The following PDE4C variants were observed in gnomAD, a reference collection of about 807,000 sequenced individuals.
PDE4C encodes the protein phosphodiesterase 4C.
A neutral mutation model predicts 63.9 loss-of-function variants in PDE4C; 50 were observed. That is an observed-to-expected ratio of 0.78 (90% confidence interval 0.62 to 0.99). The LOEUF (loss-of-function observed/expected upper bound fraction) is 0.99, where lower values mean the gene tolerates loss of function less well. Ranked by LOEUF, PDE4C falls within the 50% of genes least tolerant of loss-of-function variation. The probability of loss-of-function intolerance (pLI) is 0.00; values close to 1 mark genes in which losing one functional copy is unlikely to be tolerated. For synonymous variants in PDE4C, 377 were observed against 385.1 expected, an observed-to-expected ratio of 0.98 and a Z score of 0.25; for missense variants, 777 against 899.1, an observed-to-expected ratio of 0.86 and a Z score of 1.74.
At chr19:18,215,867 T>C (rs142215749) in intron 12 of PDE4C, among the ~76,000 whole-genome samples, 1,804 of 148,010 alleles carry the variant, frequency 0.012, 35 homozygotes, top group Admixed American at 0.052. Context: ...TCTCACTCTG[T>C]TGCTGAGGCT....
downstream of PDE4C, chr19:18,208,731 GACA>G (rs1193837712): frequency 2.0e-5 from 3 of 152,150 alleles, no homozygotes; most frequent in Non-Finnish European, 4.4e-5. Context: ...GGAGGTCACA[GACA>G]ACAACCCCCC....
At chr19:18,211,207 G>C (rs555617927) in exon 15 of PDE4C, 27 of 1,613,404 alleles carry the variant, frequency 1.7e-5, no homozygotes, top group Non-Finnish European at 2.3e-5. Flanking sequence ...AGCAGGTCCT[G>C]TGCATCTGGG....
At chr19:18,216,883 G>A (rs941118492) in exon 12 of PDE4C, 13 of 1,612,354 alleles carry the variant, frequency 8.1e-6, no homozygotes, top group East Asian at 2.2e-5. Flanking sequence ...GTACATAAGC[G>A]CCAGCTCTGA....
chr19:18,236,159 G>A (rs948712454), upstream of PDE4C, among the ~76,000 whole-genome samples: 16 of 151,942 alleles, frequency 1.1e-4, no homozygotes, highest in East Asian at 1.9e-4. Context: ...TAGCCAGGAT[G>A]GTCTCGATCT....
chr19:18,212,851 C>G (rs188901014), intron 13 of PDE4C, among the ~76,000 whole-genome samples: 4,587 of 150,842 alleles, frequency 0.03, 176 homozygotes, highest in African/African-American at 0.08. Context: ...CCACACCCAG[C>G]TAATTTTTGT....
chr19:18,244,302 T>G (rs1374409279), intron 1 of PDE4C, among the ~76,000 whole-genome samples: 7 of 140,634 alleles, frequency 5.0e-5, no homozygotes, highest in African/African-American at 1.3e-4. Context: ...TTTTGTTTTG[T>G]TTTTTTTTTT....
intron 1 of PDE4C, 43 bp downstream of exon 1, chr19:18,226,227 C>T (rs370277022): frequency 6.0e-6 from 9 of 1,490,798 alleles, no homozygotes; most frequent in Non-Finnish European, 8.2e-6. Flanking sequence ...ACCTCCACAC[C>T]GGGCGTCCCG....
chr19:18,219,151 G>A (rs1008556357), intron 8 of PDE4C, 83 bp downstream of exon 8: 5 of 1,585,560 alleles, frequency 3.2e-6, no homozygotes, highest in East Asian at 2.2e-5. Context: ...CCAGTATATA[G>A]GTGGGCAAAC....
rs1410070221 is a variant in PDE4C, at chr19:18,220,813, C to T, written c.499+61G>A. ...TAAGGGGCTCATGGACTGGGGAGGT[C>T]ACTATGGAAAGGAAGCTCCCAGCTG... On this transcript the variant is annotated intron_variant, in intron 5 of 14. Transcript: ENST00000262805. The surrounding 1 kb of genome is among the most constrained non-coding windows in gnomAD (Gnocchi z 5.1). The T allele has an allele frequency of 6.6e-7, 1 of 1,509,338 alleles. No individual in the cohort carries two copies. The highest frequency in any genetic ancestry group is 1.2e-5 in the South Asian group (1 of 85,044). The allele number at this position is 1,509,338 out of a possible 1,614,324, so 93.5% of individuals were successfully genotyped here.
exon 15 of PDE4C, chr19:18,211,080 T>C (rs1967910506): frequency 6.2e-7 from 1 of 1,614,184 alleles, no homozygotes; most frequent in African/African-American, 1.3e-5. Context: ...CTCTGCCTCC[T>C]CCAGAGTCAG....
intron 11 of PDE4C, among the ~76,000 whole-genome samples, chr19:18,217,876 G>T (rs1968269750): frequency 6.6e-6 from 1 of 152,134 alleles, no homozygotes; most frequent in Non-Finnish European, 1.5e-5. Context: ...CAGCCTGGGT[G>T]ACAGAGCAAG....
chr19:18,221,352 C>G, intron 2 of PDE4C, 55 bp from the exon 3 acceptor site: 1 of 1,517,478 alleles, frequency 6.6e-7, no homozygotes, highest in Admixed American at 2.2e-5. Flanking sequence ...AGCTTTTTAC[C>G]CACACCATAT....
chr19:18,233,589 G>A (rs145876609), exon 1 of PDE4C: 98 of 478,328 alleles, frequency 2.0e-4, no homozygotes, highest in African/African-American at 1.5e-3. Flanking sequence ...GCTAAATGGA[G>A]GGCAGGGAGA....
chr19:18,252,041 C>T (rs1969236208), upstream of PDE4C: 1 of 398,800 alleles, frequency 2.5e-6, no homozygotes, highest in African/African-American at 2.1e-5. Flanking sequence ...TCCCTACAAA[C>T]ACCCAAATCT....
chr19:18,225,672 G>A (rs1304204375), intron 1 of PDE4C: 3 of 152,610 alleles, frequency 2.0e-5, no homozygotes, highest in African/African-American at 7.2e-5. Flanking sequence ...CGAACCCAGA[G>A]GGGTGGACCG....
intron 1 of PDE4C, among the ~76,000 whole-genome samples, chr19:18,239,939 T>C (rs1463996078): frequency 6.6e-6 from 1 of 151,752 alleles, no homozygotes; most frequent in African/African-American, 2.4e-5. Context: ...GGAAGCAGAA[T>C]TGCTTGAACC....
At chr19:18,244,613 A>AGCGAT (rs1335637453) in intron 1 of PDE4C, among the ~76,000 whole-genome samples, 1 of 151,502 alleles carries the variant, frequency 6.6e-6, no homozygotes, top group East Asian at 2.0e-4. Context: ...CCTGGGTTCA[A>AGCGAT]GCGATCCTTC....
At chr19:18,247,534 G>A (rs1027528987) in intron 1 of PDE4C, among the ~76,000 whole-genome samples, 4 of 152,168 alleles carry the variant, frequency 2.6e-5, no homozygotes, top group Non-Finnish European at 5.9e-5. Flanking sequence ...GACCTCAAGT[G>A]ATCCGCCTGC....
chr19:18,247,489 T>C (rs994749047), intron 1 of PDE4C, among the ~76,000 whole-genome samples: 1 of 151,976 alleles, frequency 6.6e-6, no homozygotes, highest in Non-Finnish European at 1.5e-5. Flanking sequence ...AGAGACGGGG[T>C]TTCTCCATGT....
Sources: gnomAD v4.1 joint callset for allele counts (sites outside exome capture counted in the v4.1 genomes callset) on GRCh38, gnomAD v4.1.1 for gene constraint, Gnocchi (gnomAD v3.1) non-coding constraint, MANE v1.5 for transcripts, NCBI Gene and HGNC (gene_info 2026-07-23, HGNC 2026-07-21) for gene names.